Variants in IFRD1 observed in about 807,000 individuals in gnomAD.
IFRD1 encodes the protein interferon related developmental regulator 1.
IFRD1 carries 35 observed loss-of-function variants against 52.9 expected under a neutral mutation model. The ratio of observed to expected loss-of-function variants is 0.66; its 90% CI spans 0.51 to 0.88. The LOEUF (loss-of-function observed/expected upper bound fraction) is 0.88, where lower values mean the gene tolerates loss of function less well. IFRD1 is among the 40% of genes least tolerant of loss of function. IFRD1 has a pLI of 0.00. For synonymous variants in IFRD1, 184 were observed against 188.4 expected (o/e 0.98, Z 0.19); for missense variants, 517 against 550.8 (o/e 0.94, Z 0.61).
chr7:112,446,487 A>G (rs1159303569), upstream of IFRD1: 1 of 152,410 alleles, frequency 6.6e-6, no homozygotes, highest in Non-Finnish European at 1.5e-5. Context: ...CTAACATTCT[A>G]GTAGAAGAGA....
intron 1 of IFRD1, among the ~76,000 whole-genome samples, chr7:112,434,454 TG>T (rs1794622709): frequency 6.6e-6 from 1 of 152,194 alleles, no homozygotes; most frequent in Non-Finnish European, 1.5e-5. Flanking sequence ...ACAGCAGGAA[TG>T]ATGATAATGG....
Position 112,468,081 on chromosome 7 carries a change from G to A in IFRD1, c.1007G>A (p.Arg336Gln), listed in dbSNP as rs910615810. 6 of 1,613,872 alleles carry A rather than the reference G, an allele frequency of 3.7e-6. No individual in the cohort carries two copies. Among genetic ancestry groups the A allele is most frequent in the Middle Eastern group, 1.6e-4 (1 of 6,084 alleles). ...GCCAAAGTGGACAAGAGAAAGCAGC[G>A]GTCAGTTTTCAGAGATGTCCTGAGG... Reference protein sequence around the residue: ...HRAKVDKRKQRSVFRDVLRAV... With the variant: ...HRAKVDKRKQQSVFRDVLRAV... The change falls in exon 9 of 12, where the codon CGG becomes CAG. Residue 336 changes from arginine (R) to glutamine (Q), a missense_variant. Physicochemically the swap from Arg to Gln is conservative, Grantham distance 43. Coordinates refer to ENST00000403825, the MANE Select transcript of IFRD1 (RefSeq NM_001550.4).
chr7:112,468,054 G>C lies in IFRD1; in HGVS notation c.980G>C (p.Arg327Pro). The part of the protein sequence containing the change: ...RALATDGNKH[R>P]AKVDKRKQRS... Reference sequence around the variant, plus strand: ...TTGGCAACAGATGGAAATAAACACCGGGCCAAAGTGGACAAGAGAAAGCAG... The same window carrying C: ...TTGGCAACAGATGGAAATAAACACCCGGCCAAAGTGGACAAGAGAAAGCAG... The change falls in exon 9 of 12, where the codon CGG (arginine) becomes CCG (proline). Residue 327 changes from arginine to proline, a missense_variant. Arg to Pro is a moderately radical substitution (Grantham distance 103). Coordinates refer to ENST00000403825, the MANE Select transcript of IFRD1 (RefSeq NM_001550.4). 2 of 1,614,004 alleles carry C rather than the reference G, an allele frequency of 1.2e-6. No individual in the cohort carries two copies. Among genetic ancestry groups the C allele is most frequent in the Non-Finnish European group, 1.7e-6 (2 of 1,179,954 alleles).
In IFRD1 at chr7:112,441,045, A is replaced by AG. The variant is rs1248049132; in HGVS notation, c.-181-9460dup. 2.6e-5 allele frequency among the ~76,000 whole-genome samples: 4 copies of AG among 151,942 alleles called. No individual in the cohort carries two copies. The East Asian group carries it at 7.8e-4, about 29-fold the overall frequency. The stretch of plus-strand genomic sequence containing the variant: ...CCAACACTTTGGTGGGAGGCTGAGG[A>AG]GGGTGGATCATGAGGTCAAGAGATT... On this transcript the variant is annotated intron_variant, in intron 1 of 12. Transcript: ENST00000005558.
At chr7:112,427,419 C>T (rs1231941403) in intron 1 of IFRD1, among the ~76,000 whole-genome samples, 2 of 152,238 alleles carry the variant, frequency 1.3e-5, no homozygotes, top group African/African-American at 4.8e-5. Context: ...CAGCCCTAAA[C>T]TGATCACCAC....
chr7:112,430,176 A>T (rs1794517719), intron 1 of IFRD1, among the ~76,000 whole-genome samples: 1 of 152,250 alleles, frequency 6.6e-6, no homozygotes, highest in East Asian at 1.9e-4. Flanking sequence ...AATTGTAATC[A>T]GCAACGTAGA....
At chr7:112,430,143 G>C (rs577043572) in intron 1 of IFRD1, among the ~76,000 whole-genome samples, 1 of 152,364 alleles carries the variant, frequency 6.6e-6, no homozygotes, top group South Asian at 2.1e-4. Flanking sequence ...CACAGAGGGA[G>C]TTAGGAGCCA....
chr7:112,433,924 A>G (rs1177270905), intron 1 of IFRD1, among the ~76,000 whole-genome samples: 1 of 152,156 alleles, frequency 6.6e-6, no homozygotes, highest in Non-Finnish European at 1.5e-5. Context: ...AGCTCAAGCT[A>G]TCCTCCCACT....
rs1252123272 is a variant in IFRD1 at position 112,477,169 on chromosome 7, A to G, written c.*1650A>G. ...TGTATGTACATGTAATTATAAATAA[A>G]TAATGAATTTTTATTAAAGTGTTGT... On this transcript the variant is annotated 3_prime_UTR_variant, in exon 12 of 12. Coordinates refer to ENST00000403825, the MANE Select transcript of IFRD1 (RefSeq NM_001550.4). 2 of 152,250 alleles carry G rather than the reference A, an allele frequency of 1.3e-5. No individual in the cohort carries two copies. Among genetic ancestry groups the G allele is most frequent in the Non-Finnish European group, 2.9e-5 (2 of 68,044 alleles). The allele number at this position is 152,250 out of a possible 1,614,324, so 9.4% of individuals were successfully genotyped here. A position where few individuals can be genotyped will look rare whatever the true frequency, so the allele number is the denominator to read the frequency against.
intron 5 of IFRD1, among the ~76,000 whole-genome samples, chr7:112,460,113 T>A (rs2117305361): frequency 6.7e-6 from 1 of 149,280 alleles, no homozygotes; most frequent in African/African-American, 2.5e-5. Context: ...TTAATTTTGA[T>A]TGTATGTAAG....
At chr7:112,443,584 A>C (rs937708665) in intron 1 of IFRD1, among the ~76,000 whole-genome samples, 6 of 143,372 alleles carry the variant, frequency 4.2e-5, no homozygotes, top group Non-Finnish European at 9.1e-5. Flanking sequence ...AAAGCCCCCC[A>C]AAAACGGCCG....
chr7:112,431,550 C>G (rs1238379128), intron 1 of IFRD1, among the ~76,000 whole-genome samples: 1 of 152,184 alleles, frequency 6.6e-6, no homozygotes, highest in Non-Finnish European at 1.5e-5. Context: ...CCTCCCACCA[C>G]CTATTCCTTA....
chr7:112,433,886 T>A (rs1185461055), intron 1 of IFRD1, among the ~76,000 whole-genome samples: 4 of 152,194 alleles, frequency 2.6e-5, no homozygotes, highest in African/African-American at 9.7e-5. Flanking sequence ...AGTGGCGTGA[T>A]CTTGGCTCAC....
intron 10 of IFRD1, 150 bp downstream of exon 10, chr7:112,472,497 T>A: frequency 1.1e-6 from 1 of 924,184 alleles, no homozygotes; most frequent in Non-Finnish European, 1.7e-6. Flanking sequence ...TAGACTTGAA[T>A]AAATCTGAAG....
At chr7:112,444,967 C>G in intron 1 of IFRD1, among the ~76,000 whole-genome samples, 1 of 151,162 alleles carries the variant, frequency 6.6e-6, no homozygotes, top group Non-Finnish European at 1.5e-5. Context: ...AAAAAGCAAA[C>G]AAGAAAACCC....
chr7:112,455,897 T>TG, intron 2 of IFRD1, 30 bp downstream of exon 2: 1 of 1,524,284 alleles, frequency 6.6e-7, no homozygotes, highest in East Asian at 2.2e-5. Context: ...ATTTGCAACT[T>TG]TAGATAAAAT....
In IFRD1 at chr7:112,462,134, T is replaced by G; in HGVS notation, c.752T>G (p.Leu251Arg). 6.2e-7 allele frequency: 1 copy of G among 1,613,914 alleles called. No homozygotes were observed. The highest frequency in any genetic ancestry group is 8.5e-7 in the Non-Finnish European group (1 of 1,179,898). ...AGCTCTCTTCTTGCATGGACACTAC[T>G]GCTGACCATATGCCCAATCAATGAA... ...HISSLLAWTL[L>R]LTICPINEVK... is the part of the protein sequence containing the mutation. Residue 251 changes from leucine to arginine, a missense_variant, in exon 7 of 12, where the codon CTG becomes CGG. Coordinates refer to ENST00000403825, the MANE Select transcript of IFRD1 (RefSeq NM_001550.4).
At chr7:112,448,429 T>A (rs78250029), upstream of IFRD1, among the ~76,000 whole-genome samples, 21 of 152,310 alleles carry the variant, frequency 1.4e-4, no homozygotes, top group East Asian at 4.1e-3. Context: ...ACTGTTGCCT[T>A]ATGTATAGTA....
intron 1 of IFRD1, chr7:112,452,235 C>T: frequency 1.5e-5 from 7 of 470,712 alleles, no homozygotes; most frequent in Non-Finnish European, 1.9e-5. Context: ...GATCATAGCT[C>T]ACTGCAACCT....
Sources: allele counts gnomAD v4.1 joint callset (sites outside exome capture counted in the v4.1 genomes callset), GRCh38; gene constraint gnomAD v4.1.1; transcripts MANE v1.5; gene names NCBI Gene and HGNC (gene_info 2026-07-23, HGNC 2026-07-21).